The following GRIP1 variants were observed in gnomAD, a reference collection of about 807,000 sequenced individuals.
The protein encoded by GRIP1 is glutamate receptor-interacting protein 1.
Under a neutral mutation model 129.9 loss-of-function variants are expected in GRIP1, and 45 were observed. The ratio of observed to expected loss-of-function variants is 0.35; its 90% CI spans 0.27 to 0.44. The LOEUF is 0.44. GRIP1 is among the 20% of genes least tolerant of loss of function. The pLI is 1.00. For synonymous variants in GRIP1, 530 were observed against 520.8 expected (o/e 1.02, Z -0.24); for missense variants, 1,196 against 1,396.8 (o/e 0.86, Z 2.29).
chr12:66,733,511 A>G (rs1177926409), intron 1 of GRIP1, among the ~76,000 whole-genome samples: 1 of 152,058 alleles, frequency 6.6e-6, no homozygotes, highest in Non-Finnish European at 1.5e-5. Context: ...TGAGATGGCT[A>G]CAGCTCAGGC....
Position 66,888,615 on chromosome 12 carries a change from G to A in GRIP1, c.58+180435C>T, listed in dbSNP as rs138978664. ...TGACCTCAGATGATTTGCCTGCCTCGGCCTCCAAAAGTGCTGGAATTACAG... is the reference window on the plus strand; with the variant it reads ...TGACCTCAGATGATTTGCCTGCCTCAGCCTCCAAAAGTGCTGGAATTACAG... On this transcript the variant is annotated intron_variant, in intron 1 of 1. Transcript: ENST00000643019. Among the ~76,000 whole-genome samples the A allele has an allele frequency of 5.7e-3, 862 of 152,128 alleles. 12 individuals are homozygous for A. Among genetic ancestry groups the A allele is most frequent in the African/African-American group, 0.02 (820 of 41,500 alleles).
intron 15 of GRIP1, among the ~76,000 whole-genome samples, chr12:66,419,514 T>C (rs1433000572): frequency 6.6e-6 from 1 of 152,222 alleles, no homozygotes; most frequent in Non-Finnish European, 1.5e-5. Flanking sequence ...TTTTCCATGA[T>C]GTAATTACTG....
intron 1 of GRIP1, among the ~76,000 whole-genome samples, chr12:66,723,232 C>T (rs373589565): frequency 0.026 from 339 of 13,180 alleles, 21 homozygotes; most frequent in Middle Eastern, 0.088. Context: ...CTTTCTCTCT[C>T]TCTCTCTCTT....
chr12:66,976,665 C>T (rs2137599493), intron 1 of GRIP1, among the ~76,000 whole-genome samples: 1 of 152,272 alleles, frequency 6.6e-6, no homozygotes, highest in East Asian at 1.9e-4. Flanking sequence ...ACTACCACTA[C>T]CACTACTTCT....
chr12:66,826,618 T>A (rs1486636231), intron 1 of GRIP1, among the ~76,000 whole-genome samples: 3 of 151,956 alleles, frequency 2.0e-5, no homozygotes, highest in Non-Finnish European at 4.4e-5. Context: ...GAATTAGAGA[T>A]TCAAACATCA....
At chr12:66,695,755 T>C (rs2035136190) in intron 1 of GRIP1, among the ~76,000 whole-genome samples, 1 of 152,212 alleles carries the variant, frequency 6.6e-6, no homozygotes, top group Non-Finnish European at 1.5e-5. Context: ...TGCAATGTCA[T>C]TTACATATGC....
chr12:66,937,371 T>C (rs371953782), intron 1 of GRIP1, among the ~76,000 whole-genome samples: 4 of 152,240 alleles, frequency 2.6e-5, no homozygotes, highest in East Asian at 3.8e-4. Flanking sequence ...GTAAGCTCCA[T>C]GAGAGCAAGG....
chr12:66,904,988 C>T (rs941473105), intron 1 of GRIP1, among the ~76,000 whole-genome samples: 2 of 152,068 alleles, frequency 1.3e-5, no homozygotes, highest in Non-Finnish European at 2.9e-5. Context: ...TATGGTGCTG[C>T]GGTGTCCTCA....
chr12:66,354,286 G>A (rs960816876), intron 23 of GRIP1, among the ~76,000 whole-genome samples: 1 of 152,120 alleles, frequency 6.6e-6, no homozygotes, highest in Admixed American at 6.6e-5. Flanking sequence ...TCCTCCACCA[G>A]CCCTCACTCC....
chr12:66,709,427 CAA>C (rs557367472), intron 1 of GRIP1, among the ~76,000 whole-genome samples: 1 of 151,864 alleles, frequency 6.6e-6, no homozygotes, highest in African/African-American at 2.4e-5. Context: ...ACCAAAAACT[CAA>C]AGTTGTTTTT....
chr12:66,662,144 G>C (rs1351337450), intron 1 of GRIP1, among the ~76,000 whole-genome samples: 1 of 152,096 alleles, frequency 6.6e-6, no homozygotes, highest in African/African-American at 2.4e-5. Context: ...GTTCAGATGA[G>C]TAACCCAGGT....
intron 7 of GRIP1, among the ~76,000 whole-genome samples, chr12:66,485,407 T>A (rs1252747905): frequency 1.4e-5 from 2 of 147,000 alleles, no homozygotes; most frequent in African/African-American, 5.3e-5. Context: ...AAATTAAATA[T>A]ATATATATAA....
chr12:66,718,753 G>C (rs1254594924), intron 1 of GRIP1, among the ~76,000 whole-genome samples: 2 of 152,178 alleles, frequency 1.3e-5, no homozygotes, highest in Non-Finnish European at 2.9e-5. Flanking sequence ...TCTGGAGGCT[G>C]AGGCAGGAGA....
chr12:66,854,106 T>C (rs2039961942), intron 1 of GRIP1, among the ~76,000 whole-genome samples: 1 of 151,942 alleles, frequency 6.6e-6, no homozygotes, highest in South Asian at 2.1e-4. Flanking sequence ...ACTAGGAATA[T>C]AAATAAGGTA....
intron 1 of GRIP1, among the ~76,000 whole-genome samples, chr12:66,629,233 G>A (rs1329165990): frequency 1.3e-5 from 2 of 152,180 alleles, no homozygotes; most frequent in Non-Finnish European, 2.9e-5. Flanking sequence ...GATATTCTTG[G>A]GAAGTTGACA....
At chr12:66,425,692 A>C (rs1398367751) in intron 14 of GRIP1, among the ~76,000 whole-genome samples, 3 of 152,174 alleles carry the variant, frequency 2.0e-5, no homozygotes, top group African/African-American at 7.2e-5. Flanking sequence ...TGAAGCTGGA[A>C]ACCATCATTC....
intron 1 of GRIP1, among the ~76,000 whole-genome samples, chr12:66,966,074 A>C (rs1033245751): frequency 1.8e-4 from 27 of 152,160 alleles, no homozygotes; most frequent in Admixed American, 1.5e-3. Flanking sequence ...GGTGCTGAAG[A>C]ATATATGGAC....
intron 1 of GRIP1, among the ~76,000 whole-genome samples, chr12:66,614,439 CATTCTGCCCT>C (rs2064948444): frequency 1.3e-5 from 2 of 152,136 alleles, no homozygotes; most frequent in South Asian, 4.1e-4. Context: ...CTTGCCCTTA[CATTCTGCCCT>C]AAGCCCATAT....
intron 1 of GRIP1, among the ~76,000 whole-genome samples, chr12:66,854,773 T>C (rs1045631550): frequency 1.3e-5 from 2 of 152,044 alleles, no homozygotes; most frequent in Non-Finnish European, 2.9e-5. Flanking sequence ...TCATGACTAA[T>C]ACATGGATGC....
Sources: allele counts gnomAD v4.1 joint callset (sites outside exome capture counted in the v4.1 genomes callset), GRCh38; gene constraint gnomAD v4.1.1; transcripts MANE v1.5; gene names NCBI Gene and HGNC (gene_info 2026-07-23, HGNC 2026-07-21).